The following YBEY variants were observed in gnomAD, a reference collection of about 807,000 sequenced individuals.
The protein encoded by YBEY is ybeY metalloendoribonuclease.
A neutral mutation model predicts 13.5 loss-of-function variants in YBEY; 15 were observed. That is an observed-to-expected ratio of 1.11 (90% confidence interval 0.75 to 1.72). The LOEUF is 1.72. Among genes scored for constraint, YBEY ranks in the 40% most tolerant of loss-of-function variants. The pLI, the probability that YBEY is intolerant of heterozygous loss-of-function variation, is 0.00. For missense variants in YBEY, 244 were observed against 208.4 expected, an observed-to-expected ratio of 1.17 and a Z score of -1.05; for synonymous variants, 101 against 83.1, an observed-to-expected ratio of 1.21 and a Z score of -1.17.
chr21:46,300,925 G>C (rs1395801613), downstream of YBEY: 1 of 831,142 alleles, frequency 1.2e-6, no homozygotes, highest in East Asian at 6.3e-5. Context: ...AGTCAAGGTA[G>C]CCTGTCCACA....
In YBEY at chr21:46,297,642, G is replaced by A. The variant is rs113614653; in HGVS notation, c.*8G>A. On this transcript the variant is annotated 3_prime_UTR_variant, in exon 5 of 5. Coordinates refer to ENST00000397701, the MANE Select transcript of YBEY (RefSeq NM_001314025.2). ...CTCTTCGGAGGGAGCTGAGGGCCGC[G>A]TTCCTTCTGAAAGCGGGACGCGGGA... 2 of 1,299,370 alleles carry A rather than the reference G, an allele frequency of 1.5e-6. No homozygotes were observed. Among genetic ancestry groups the A allele is most frequent in the Middle Eastern group, 2.0e-4 (1 of 4,964 alleles). The allele number at this position is 1,299,370 out of a possible 1,614,324, so 80.5% of individuals were successfully genotyped here.
chr21:46,312,733 A>C, the YBEY span, among the ~76,000 whole-genome samples: 1 of 152,138 alleles, frequency 6.6e-6, no homozygotes, highest in East Asian at 1.9e-4. Context: ...AGTGGCTTTA[A>C]TTTGCATTTC....
rs751943826 is a variant in YBEY, at chr21:46,287,046, A to T, written c.133A>T (p.Lys45Ter). 3.7e-6 allele frequency: 6 copies of T among 1,614,116 alleles called. No individual in the cohort carries two copies. The highest frequency in any genetic ancestry group is 5.1e-6 in the Non-Finnish European group (6 of 1,180,010). The change falls in exon 2 of 5, where the codon AAG (lysine) becomes TAG (stop). Residue 45 changes from lysine to a stop codon, truncating the protein, a stop_gained. Transcript: ENST00000397701. LOFTEE classifies it high-confidence loss of function. ...CCTGGGGATCATCTGTGTTGACAAC[A>T]AGAATATTCAGCACATTAATAGAAT... ...FDLGIICVDN[K>*]NIQHINRIYR...
intron 3 of YBEY, among the ~76,000 whole-genome samples, chr21:46,293,249 CCCG>C (rs1268829523): frequency 2.9e-4 from 22 of 76,988 alleles, no homozygotes; most frequent in South Asian, 6.9e-4. Flanking sequence ...TTAAATTCCT[CCCG>C]CGGTTAGCCT....
the YBEY span, among the ~76,000 whole-genome samples, chr21:46,307,292 A>G: frequency 6.6e-6 from 1 of 152,166 alleles, no homozygotes; most frequent in Non-Finnish European, 1.5e-5. Flanking sequence ...GATGACAGGC[A>G]TGAGCCACTG....
At position 46,286,990 on chromosome 21, in the gene YBEY, T is replaced by C. The variant is rs560663459; in HGVS notation, c.77T>C (p.Val26Ala). The change falls in exon 2 of 5, where the codon GTA becomes GCA. Residue 26 changes from valine (V) to alanine (A), a missense_variant. Physicochemically the swap from Val to Ala is moderately conservative, Grantham distance 64. Transcript: ENST00000397701. The part of the protein sequence containing the change: ...RAPLRSKIEI[V>A]RRILGVQKFD... ...CCACTTCGCAGTAAGATCGAGATTG[T>C]AAGGAGGATTTTAGGAGTGCAGAAA... 6 of 1,614,102 alleles carry C rather than the reference T, an allele frequency of 3.7e-6. No individual in the cohort carries two copies. The African/African-American group carries it at 6.7e-5, about 18-fold the overall frequency.
rs533570684 is a variant in YBEY at position 46,287,371 on chromosome 21, T to C, written c.210+248T>C. Reference sequence around the variant, plus strand: ...ACCACGCCTGGCTAATTTTTTTTTGTCAGTATTTTTAGTAGAGACGGGGGT... The same window carrying C: ...ACCACGCCTGGCTAATTTTTTTTTGCCAGTATTTTTAGTAGAGACGGGGGT... On this transcript the variant is annotated intron_variant, in intron 2 of 4. Transcript: ENST00000397701. Among the ~76,000 whole-genome samples the C allele has an allele frequency of 1.9e-3, 285 of 151,098 alleles. 3 individuals carry two copies. Among genetic ancestry groups the C allele is most frequent in the Non-Finnish European group, 3.3e-3 (222 of 67,730 alleles).
intron 3 of YBEY, 45 bp from the exon 4 acceptor site, chr21:46,296,117 T>G (rs1303730240): frequency 6.2e-7 from 1 of 1,611,906 alleles, no homozygotes; most frequent in South Asian, 1.1e-5. Context: ...AGGGGCAGGT[T>G]CCTGTGGGGT....
chr21:46,299,985 CA>C (rs1174288920), downstream of YBEY, among the ~76,000 whole-genome samples: 4 of 152,182 alleles, frequency 2.6e-5, no homozygotes, highest in Admixed American at 6.5e-5. Flanking sequence ...TCCTGCAGGC[CA>C]GTCAAGGCTA....
chr21:46,311,778 CCCATCCATCCAA>C, the YBEY span: 7 of 377,702 alleles, frequency 1.9e-5, no homozygotes, highest in Admixed American at 2.9e-4. Context: ...CATCCACCCA[CCCATCCATCCAA>C]CCAGCCAACC....
downstream of YBEY, chr21:46,302,700 C>G: frequency 1.3e-6 from 1 of 771,638 alleles, no homozygotes; most frequent in East Asian, 2.7e-5. Context: ...CCGGGGCAGG[C>G]TCTGAGTCCG....
intron 2 of YBEY, among the ~76,000 whole-genome samples, chr21:46,289,466 G>A (rs1241590154): frequency 2.1e-5 from 2 of 97,004 alleles, no homozygotes; most frequent in Non-Finnish European, 4.5e-5. Context: ...TTTTTTTTGA[G>A]ACGGAGGCTT....
the YBEY span, among the ~76,000 whole-genome samples, chr21:46,309,389 T>C: frequency 6.9e-6 from 1 of 144,208 alleles, no homozygotes; most frequent in Admixed American, 7.1e-5. Context: ...TTGAACCCGG[T>C]GGGCAGAGGT....
chr21:46,301,826 G>A, downstream of YBEY: 1 of 1,263,116 alleles, frequency 7.9e-7, no homozygotes, highest in Non-Finnish European at 9.9e-7. Flanking sequence ...CCCGTGACCA[G>A]AAAGCGAGCC....
the YBEY span, among the ~76,000 whole-genome samples, chr21:46,304,716 T>C: frequency 1.3e-5 from 2 of 152,272 alleles, no homozygotes; most frequent in Admixed American, 1.3e-4. Flanking sequence ...TGGCTGTATT[T>C]CCTGACACAG....
At chr21:46,312,058 ACCAC>A in the YBEY span, among the ~76,000 whole-genome samples, 1 of 115,006 alleles carries the variant, frequency 8.7e-6, no homozygotes, top group Non-Finnish European at 1.8e-5. Context: ...CAACCAACCA[ACCAC>A]CCACCCATCC....
chr21:46,302,270 A>C, downstream of YBEY: 1 of 1,421,190 alleles, frequency 7.0e-7, no homozygotes, highest in Non-Finnish European at 9.3e-7. Context: ...GCAGGGTCTA[A>C]GCATCCTCCC....
At chr21:46,302,578 T>C, downstream of YBEY, 3 of 1,610,012 alleles carry the variant, frequency 1.9e-6, no homozygotes, top group Non-Finnish European at 1.7e-6. Flanking sequence ...CCACCATGTC[T>C]GCAGGGAAGA....
chr21:46,289,612 A>T (rs2081612855), intron 2 of YBEY, among the ~76,000 whole-genome samples: 2 of 142,970 alleles, frequency 1.4e-5, no homozygotes, highest in Non-Finnish European at 3.1e-5. Context: ...CATCTGGCTA[A>T]TTTTTTTTTT....
Sources: gnomAD v4.1 joint callset for allele counts (sites outside exome capture counted in the v4.1 genomes callset) on GRCh38, gnomAD v4.1.1 for gene constraint, MANE v1.5 for transcripts, NCBI Gene and HGNC (gene_info 2026-07-23, HGNC 2026-07-21) for gene names.